Variants in ADK observed in about 807,000 individuals in gnomAD.
ADK encodes the protein adenosine kinase.
ADK carries 24 observed loss-of-function variants against 44.7 expected under a neutral mutation model. That is an observed-to-expected ratio of 0.54 (90% CI 0.39 to 0.76). ADK has a LOEUF of 0.76. Ranked by LOEUF, ADK falls within the 30% of genes least tolerant of loss-of-function variation. The pLI is 0.00. For missense variants in ADK, 321 were observed against 425.1 expected, an observed-to-expected ratio of 0.76 and a Z score of 2.15; for synonymous variants, 128 against 142.6, an observed-to-expected ratio of 0.90 and a Z score of 0.73.
At chr10:74,619,166 C>T (rs180841483) in intron 9 of ADK, among the ~76,000 whole-genome samples, 202 of 152,064 alleles carry the variant, frequency 1.3e-3, no homozygotes, top group Non-Finnish European at 1.9e-3. Flanking sequence ...TTCAAAACAT[C>T]CAGTGAGGCT....
chr10:74,350,492 A>G (rs1841928103), intron 4 of ADK, among the ~76,000 whole-genome samples: 1 of 152,216 alleles, frequency 6.6e-6, no homozygotes, highest in Non-Finnish European at 1.5e-5. Flanking sequence ...CCCCAACATC[A>G]CAATTAAAAG....
chr10:74,567,699 GTTTTTTTTTT>G (rs56042541), intron 7 of ADK, among the ~76,000 whole-genome samples: 2 of 112,364 alleles, frequency 1.8e-5, no homozygotes, highest in Non-Finnish European at 3.5e-5. Context: ...TGTTTTTTTT[GTTTTTTTTTT>G]TTTTTTTGAG....
At chr10:74,429,842 T>C (rs1272969586) in intron 6 of ADK, among the ~76,000 whole-genome samples, 1 of 152,220 alleles carries the variant, frequency 6.6e-6, no homozygotes, top group African/African-American at 2.4e-5. Flanking sequence ...ATGTACCAGA[T>C]AGTGTTATAC....
At chr10:74,528,625 G>T (rs1442129154) in intron 7 of ADK, among the ~76,000 whole-genome samples, 4 of 152,156 alleles carry the variant, frequency 2.6e-5, no homozygotes, top group Non-Finnish European at 5.9e-5. Context: ...TCATATATCT[G>T]ATAAAGGATT....
intron 7 of ADK, among the ~76,000 whole-genome samples, chr10:74,553,336 G>C (rs1850111579): frequency 6.6e-6 from 1 of 151,472 alleles, no homozygotes; most frequent in Non-Finnish European, 1.5e-5. Flanking sequence ...AAGTAGCTGG[G>C]ACTAGAGGCA....
At chr10:74,661,783 C>T (rs970899137) in intron 9 of ADK, among the ~76,000 whole-genome samples, 2 of 152,128 alleles carry the variant, frequency 1.3e-5, no homozygotes, top group African/African-American at 4.8e-5. Flanking sequence ...TGTTCTTTCC[C>T]TTTTTTGAAC....
At chr10:74,568,548 G>A (rs1477641525) in intron 7 of ADK, among the ~76,000 whole-genome samples, 1 of 151,470 alleles carries the variant, frequency 6.6e-6, no homozygotes, top group Non-Finnish European at 1.5e-5. Context: ...GCAAAAGCAA[G>A]TTTATTAAGA....
Position 74,407,184 on chromosome 10 carries a change from G to A in ADK, c.555+8605G>A, listed in dbSNP as rs570205085. Among the ~76,000 whole-genome samples, 11 of 151,856 alleles carry A rather than the reference G, an allele frequency of 7.2e-5. No individual in the cohort carries two copies. The South Asian group carries it at 1.7e-3, about 23-fold the overall frequency. On this transcript the variant is annotated intron_variant, in intron 6 of 10. Coordinates refer to ENST00000539909, the MANE Select transcript of ADK (RefSeq NM_006721.4). ...TTGCTCAGGCTGGTCTCAAACTCCT[G>A]AACTCAACTTATCTGCCTGTCTCGA...
chr10:74,382,409 G>A (rs897531359), intron 4 of ADK, among the ~76,000 whole-genome samples: 40 of 152,000 alleles, frequency 2.6e-4, no homozygotes, highest in Admixed American at 2.6e-3. Context: ...CTTTCTCACC[G>A]TTTTGTCCTG....
At chr10:74,177,945 A>ATATATATATATATT (rs10693309) in intron 1 of ADK, among the ~76,000 whole-genome samples, 2 of 109,010 alleles carry the variant, frequency 1.8e-5, no homozygotes, top group African/African-American at 7.0e-5. Context: ...ATATATATAT[A>ATATATATATATATT]TTTTTTTTTT....
intron 7 of ADK, among the ~76,000 whole-genome samples, chr10:74,568,559 A>G (rs1850785162): frequency 6.6e-6 from 1 of 152,144 alleles, no homozygotes; most frequent in Admixed American, 6.5e-5. Flanking sequence ...TTTATTAAGA[A>G]AGTAAGAGAA....
At chr10:74,318,586 A>G (rs1454107973) in intron 4 of ADK, among the ~76,000 whole-genome samples, 3 of 152,246 alleles carry the variant, frequency 2.0e-5, no homozygotes, top group African/African-American at 7.2e-5. Flanking sequence ...CTTACTTGGA[A>G]TCCAGTTTTG....
chr10:74,541,099 C>G (rs1849611535), intron 7 of ADK, among the ~76,000 whole-genome samples: 1 of 152,114 alleles, frequency 6.6e-6, no homozygotes. Flanking sequence ...ACTGCAACCT[C>G]CACCTTCCGG....
chr10:74,570,745 T>A (rs1028205412), intron 7 of ADK, among the ~76,000 whole-genome samples: 24 of 152,322 alleles, frequency 1.6e-4, no homozygotes, highest in African/African-American at 5.8e-4. Context: ...AGGGACAATT[T>A]GACTTCCTCT....
chr10:74,161,997 C>T (rs1230643604), intron 1 of ADK, among the ~76,000 whole-genome samples: 1 of 152,042 alleles, frequency 6.6e-6, no homozygotes, highest in Non-Finnish European at 1.5e-5. Context: ...GAGCTGCATG[C>T]CTGGCCTCTT....
intron 7 of ADK, among the ~76,000 whole-genome samples, chr10:74,543,339 A>G (rs772754933): frequency 1.3e-5 from 2 of 152,134 alleles, no homozygotes; most frequent in Non-Finnish European, 2.9e-5. Context: ...ACAGACATCC[A>G]GCCACAATAA....
chr10:74,295,255 A>C lies in ADK; in HGVS notation c.195-19412A>C, dbSNP rs1839770979. On this transcript the variant is annotated intron_variant, in intron 3 of 10. Transcript: ENST00000539909. ...AGCGGGCAGATCACCTGAGGTCAGG[A>C]GTTCGAGACCAGCCTGGCCAACATG... is the stretch of plus-strand genomic sequence containing the variant. 2.0e-5 allele frequency among the ~76,000 whole-genome samples: 3 copies of C among 150,160 alleles called. No individual in the cohort carries two copies. In the South Asian group the frequency reaches 6.7e-4, roughly 34 times the overall value.
intron 1 of ADK, among the ~76,000 whole-genome samples, chr10:74,193,732 G>T (rs2132126259): frequency 6.6e-6 from 1 of 152,094 alleles, no homozygotes; most frequent in Non-Finnish European, 1.5e-5. Context: ...TTGCACCACT[G>T]CCCTCCAGCC....
At chr10:74,188,051 A>G (rs954075155) in intron 1 of ADK, among the ~76,000 whole-genome samples, 1 of 152,336 alleles carries the variant, frequency 6.6e-6, no homozygotes, top group East Asian at 1.9e-4. Context: ...TACAGGTTTA[A>G]TTACTTTAGC....
Sources: gnomAD v4.1 joint callset for allele counts (sites outside exome capture counted in the v4.1 genomes callset) on GRCh38, gnomAD v4.1.1 for gene constraint, MANE v1.5 for transcripts, NCBI Gene and HGNC (gene_info 2026-07-23, HGNC 2026-07-21) for gene names.